NCKIPSD: variants seen among roughly 807,000 people sequenced by gnomAD.
The protein encoded by NCKIPSD is NCK-interacting protein with SH3 domain.
NCKIPSD carries 48 observed loss-of-function variants against 73.4 expected under a neutral mutation model. The observed-to-expected ratio is 0.65, with a 90% CI of 0.52 to 0.83. The LOEUF is 0.83. Ranked by LOEUF, NCKIPSD falls within the 40% of genes least tolerant of loss-of-function variation. NCKIPSD has a pLI of 0.00. For synonymous variants in NCKIPSD, 422 were observed against 403.6 expected (o/e 1.05, Z -0.54); for missense variants, 884 against 970.2 (o/e 0.91, Z 1.18).
intron 3 of NCKIPSD, 90 bp downstream of exon 3, chr3:48,682,258 C>A: frequency 6.3e-7 from 1 of 1,575,862 alleles, no homozygotes; most frequent in South Asian, 1.2e-5. Context: ...TGGCTCTGGG[C>A]CGCATCACTC....
At chr3:48,684,212 A>T (rs997782478) in intron 1 of NCKIPSD, among the ~76,000 whole-genome samples, 1 of 152,164 alleles carries the variant, frequency 6.6e-6, no homozygotes, top group Non-Finnish European at 1.5e-5. Context: ...GCAGCAATCC[A>T]GACAGAAAGA....
At position 48,681,520 on chromosome 3, in the gene NCKIPSD, G is replaced by A. The variant is rs375040434; in HGVS notation, c.859C>T (p.Leu287=). ...ATGTTSASDD[L]EALGTLSLGT... is the part of the protein sequence containing the mutation. ...AGGCTCAGTGTACCCAGGGCTTCCA[G>A]GTCATCAGAGGCTGAGGTTGTACCA... Residue 287 remains leucine (L), a synonymous_variant, in exon 5 of 13, where the codon CTG becomes TTG. Coordinates refer to ENST00000294129, the MANE Select transcript of NCKIPSD (RefSeq NM_016453.4). 52 of 1,614,052 alleles carry A rather than the reference G, an allele frequency of 3.2e-5. No homozygotes were observed. In the African/African-American group the frequency reaches 6.3e-4, roughly 19 times the overall value.
chr3:48,674,097 C>T lies in NCKIPSD; in HGVS notation c.*447G>A. On this transcript the variant is annotated 3_prime_UTR_variant, in exon 13 of 13. Transcript: ENST00000294129. ...CCCCATGTGCGGGTGGAGGGGAGGA[C>T]ATGAGCAGCACTCACTGCAAAGCTA... is the stretch of plus-strand genomic sequence containing the variant. The T allele has an allele frequency of 9.2e-7, 1 of 1,088,512 alleles. No individual in the cohort carries two copies. Among genetic ancestry groups the T allele is most frequent in the Non-Finnish European group, 1.1e-6 (1 of 892,716 alleles). The allele number at this position is 1,088,512 out of a possible 1,614,324, so 67.4% of individuals were successfully genotyped here. A position where few individuals can be genotyped will look rare whatever the true frequency, so the allele number is the denominator to read the frequency against.
At chr3:48,677,932 G>A (rs1290993376) in intron 12 of NCKIPSD, among the ~76,000 whole-genome samples, 1 of 152,092 alleles carries the variant, frequency 6.6e-6, no homozygotes, top group East Asian at 1.9e-4. Context: ...CCTCCCTGAT[G>A]CCCTCGGTAC....
In NCKIPSD at chr3:48,681,790, G is replaced by A. The variant is rs1387527600; in HGVS notation, c.599-10C>T. 8.1e-6 allele frequency: 12 copies of A among 1,483,164 alleles called. No homozygotes were observed. Among genetic ancestry groups the A allele is most frequent in the Non-Finnish European group, 1.1e-5 (12 of 1,118,582 alleles). 91.9% of individuals were successfully genotyped at this position (1,483,164 alleles called of 1,614,324 possible). A position where few individuals can be genotyped will look rare whatever the true frequency, so the allele number is the denominator to read the frequency against. On this transcript the variant is annotated splice_polypyrimidine_tract_variant and intron_variant, in intron 4 of 12. Coordinates refer to ENST00000294129, the MANE Select transcript of NCKIPSD (RefSeq NM_016453.4). ...ATGGTGTTGTGGCCACCTGCGAGCAGTGAGTAGAAGCTGGGCCAGGGCAGC... is the reference window on the plus strand; with the variant it reads ...ATGGTGTTGTGGCCACCTGCGAGCAATGAGTAGAAGCTGGGCCAGGGCAGC...
rs1559492671 is a variant in NCKIPSD, at chr3:48,679,579, C to T, written c.1485G>A (p.Thr495=). 6.8e-6 allele frequency: 11 copies of T among 1,614,078 alleles called. No individual in the cohort carries two copies. The highest frequency in any genetic ancestry group is 2.2e-5 in the East Asian group (1 of 44,886). Residue 495 remains threonine (T), a synonymous_variant, in exon 8 of 13, where the codon ACG becomes ACA. Coordinates refer to ENST00000294129, the MANE Select transcript of NCKIPSD (RefSeq NM_016453.4). ...TACCCCGCCCTCCAGCCTCACCCTGCGTGTCTGTCTGCATGTCCCTCGCCA... is the reference window on the plus strand; with the variant it reads ...TACCCCGCCCTCCAGCCTCACCCTGTGTGTCTGTCTGCATGTCCCTCGCCA... ...VELARDMQTD[T]QDHQKLCYSA...
In NCKIPSD at chr3:48,674,365, C is replaced by A; in HGVS notation, c.*179G>T. 16 of 1,438,772 alleles carry A rather than the reference C, an allele frequency of 1.1e-5. No individual in the cohort carries two copies. Among genetic ancestry groups the A allele is most frequent in the Non-Finnish European group, 1.5e-5 (16 of 1,099,174 alleles). 89.1% of individuals were successfully genotyped at this position (1,438,772 alleles called of 1,614,324 possible). A position where few individuals can be genotyped will look rare whatever the true frequency, so the allele number is the denominator to read the frequency against. ...CCCTGCCCCAGAACAGCTCCCAGAC[C>A]ATGGTCCCCAATCCTACACTTGGCC... On this transcript the variant is annotated 3_prime_UTR_variant, in exon 13 of 13. Transcript: ENST00000294129.
intron 12 of NCKIPSD, among the ~76,000 whole-genome samples, chr3:48,676,829 G>A (rs2106744672): frequency 6.6e-6 from 1 of 151,374 alleles, no homozygotes; most frequent in South Asian, 2.1e-4. Context: ...GGAGTGCAGT[G>A]GTGTGATCTT....
intron 11 of NCKIPSD, 52 bp from the exon 12 acceptor site, chr3:48,678,788 G>C: frequency 6.2e-7 from 1 of 1,611,404 alleles, no homozygotes; most frequent in Non-Finnish European, 8.5e-7. Context: ...GGATCCCAGA[G>C]TCACCCCAGG....
At chr3:48,681,167 G>C (rs754831631) in intron 5 of NCKIPSD, 120 bp downstream of exon 5, 257 of 1,424,984 alleles carry the variant, frequency 1.8e-4, no homozygotes, top group Non-Finnish European at 2.3e-4. Flanking sequence ...CCAGTGCCCA[G>C]CACAGTAAGA....
chr3:48,675,320 C>G (rs2077234082), intron 12 of NCKIPSD, among the ~76,000 whole-genome samples: 1 of 151,644 alleles, frequency 6.6e-6, no homozygotes, highest in African/African-American at 2.4e-5. Flanking sequence ...AAAGCACAGG[C>G]CTGAAATATG....
Position 48,681,328 on chromosome 3 carries a change from G to A in NCKIPSD, c.1051C>T (p.Pro351Ser), listed in dbSNP as rs2077349312. The A allele has an allele frequency of 6.2e-7, 1 of 1,609,818 alleles. No individual in the cohort carries two copies. The highest frequency in any genetic ancestry group is 1.7e-5 in the Admixed American group (1 of 59,852). Residue 351 changes from proline to serine, a missense_variant, in exon 5 of 13, where the codon CCA (proline) becomes TCA (serine). Coordinates refer to ENST00000294129, the MANE Select transcript of NCKIPSD (RefSeq NM_016453.4). Reference protein sequence around the residue: ...HIQASVPASSPVMEQVLLSLV... With the variant: ...HIQASVPASSSVMEQVLLSLV... Reference sequence around the variant, plus strand: ...GAGAGGAGGACCTGCTCCATGACTGGTGAGCTGGCCGGCACCGAGGCCTGG... The same window carrying A: ...GAGAGGAGGACCTGCTCCATGACTGATGAGCTGGCCGGCACCGAGGCCTGG...
At position 48,681,466 on chromosome 3, in the gene NCKIPSD, C is replaced by T. The variant is rs542385660; in HGVS notation, c.913G>A (p.Glu305Lys). The T allele has an allele frequency of 2.5e-6, 4 of 1,614,164 alleles. No individual in the cohort carries two copies. The South Asian group carries it at 3.3e-5, about 13-fold the overall frequency. Reference protein sequence around the residue: ...LGTTEEKAAAEAAVPRTIGAE... With the variant: ...LGTTEEKAAAKAAVPRTIGAE... ...CCAATGGTCCTGGGCACAGCCGCCT[C>T]AGCTGCTGCCTTCTCCTCTGTGGTC... The change falls in exon 5 of 13, where the codon GAG (glutamate) becomes AAG (lysine). Residue 305 changes from glutamate (E) to lysine (K), a missense_variant. Coordinates refer to ENST00000294129, the MANE Select transcript of NCKIPSD (RefSeq NM_016453.4).
rs1332554399 is a variant in NCKIPSD, at chr3:48,685,661, C to T, written c.147G>A (p.Pro49=). The T allele has an allele frequency of 3.3e-6, 5 of 1,524,780 alleles. No homozygotes were observed. Among genetic ancestry groups the T allele is most frequent in the Non-Finnish European group, 4.4e-6 (5 of 1,142,182 alleles). 94.5% of individuals were successfully genotyped at this position (1,524,780 alleles called of 1,614,324 possible). ...CCTGCAGGCGGCGCAGGTAGGCTGGCGGCACGTAGCCCGTCTCACCACTGC... is the reference window on the plus strand; with the variant it reads ...CCTGCAGGCGGCGCAGGTAGGCTGGTGGCACGTAGCCCGTCTCACCACTGC... ...RARSGETGYV[P]PAYLRRLQGL... The change falls in exon 1 of 13, where the codon CCG becomes CCA. Residue 49 remains proline (P), a synonymous_variant. Transcript: ENST00000294129.
rs2077226894 is a variant in NCKIPSD at position 48,674,759 on chromosome 3, G to A, written c.1966-12C>T. The A allele has an allele frequency of 6.2e-7, 1 of 1,613,040 alleles. No homozygotes were observed. On this transcript the variant is annotated splice_polypyrimidine_tract_variant and intron_variant, in intron 12 of 12. Coordinates refer to ENST00000294129, the MANE Select transcript of NCKIPSD (RefSeq NM_016453.4). ...TACTCCATGCGCAGCTGTGGGAAGA[G>A]CAGGCCAGCTCAGGGACCCCAGGGA...
rs1466234529 is a variant in NCKIPSD, at chr3:48,681,718, T to G, written c.661A>C (p.Thr221Pro). ...SVSSGSSVSS[T>P]SLDTLYTSSS... ...CTGGTATAGAGCGTGTCCAGGGAGG[T>G]GCTGCTGACTGAGGAGCCGCTGGAC... Residue 221 changes from threonine to proline, a missense_variant, in exon 5 of 13, where the codon ACC becomes CCC. Thr to Pro is a conservative substitution (Grantham distance 38). Transcript: ENST00000294129. The G allele has an allele frequency of 6.5e-7, 1 of 1,548,548 alleles. No homozygotes were observed. The highest frequency in any genetic ancestry group is 8.7e-7 in the Non-Finnish European group (1 of 1,148,228).
At chr3:48,683,442 T>A (rs1263037007) in intron 1 of NCKIPSD, among the ~76,000 whole-genome samples, 1 of 152,184 alleles carries the variant, frequency 6.6e-6, no homozygotes, top group Non-Finnish European at 1.5e-5. Context: ...TACATCACTC[T>A]GCATCTTGCT....
chr3:48,674,673 T>A lies in NCKIPSD; in HGVS notation c.2040A>T (p.Leu680=). 1.2e-6 allele frequency: 2 copies of A among 1,614,046 alleles called. No homozygotes were observed. Among genetic ancestry groups the A allele is most frequent in the Non-Finnish European group, 1.7e-6 (2 of 1,179,990 alleles). The change falls in exon 13 of 13, where the codon CTA becomes CTT. Residue 680 remains leucine, a synonymous_variant. Coordinates refer to ENST00000294129, the MANE Select transcript of NCKIPSD (RefSeq NM_016453.4). ...GTCGCAGTATGGCCTGCAGGTCGGG[T>A]AGCCGGTGGCGGTGCTGCAGGTAGG... ...TTPYLQHRHR[L]PDLQAILRRI... is the part of the protein sequence containing the mutation.
chr3:48,681,299 G>A lies in NCKIPSD; in HGVS notation c.1080C>T (p.Leu360=), dbSNP rs1259319012. The part of the protein sequence containing the change: ...SPVMEQVLLS[L]VEGKDLSMAL... ...CGCCCACCCTCACCTTGCCCTCTAC[G>A]AGTGAGAGGAGGACCTGCTCCATGA... Residue 360 remains leucine, a synonymous_variant, in exon 5 of 13, where the codon CTC becomes CTT. Coordinates refer to ENST00000294129, the MANE Select transcript of NCKIPSD (RefSeq NM_016453.4). 9 of 1,604,960 alleles carry A rather than the reference G, an allele frequency of 5.6e-6. No homozygotes were observed. The highest frequency in any genetic ancestry group is 2.7e-5 in the African/African-American group (2 of 74,870).
Sources: allele counts gnomAD v4.1 joint callset (sites outside exome capture counted in the v4.1 genomes callset), GRCh38; gene constraint gnomAD v4.1.1; transcripts MANE v1.5; gene names NCBI Gene and HGNC (gene_info 2026-07-23, HGNC 2026-07-21).